The following CCDC152 variants were observed in gnomAD, a reference collection of about 807,000 sequenced individuals.
CCDC152 encodes coiled-coil domain-containing protein 152.
A neutral mutation model predicts 38.1 loss-of-function variants in CCDC152; 37 were observed. That is an observed-to-expected ratio of 0.97 (90% confidence interval 0.75 to 1.28). CCDC152 has a LOEUF of 1.28. CCDC152 is among the 50% of genes most tolerant of loss of function. CCDC152 has a pLI of 0.00. For missense variants in CCDC152, 259 were observed against 292.1 expected, an observed-to-expected ratio of 0.89 and a Z score of 0.83; for synonymous variants, 83 against 87.1, an observed-to-expected ratio of 0.95 and a Z score of 0.26.
At chr5:42,780,213 T>C (rs4242124) in intron 5 of CCDC152, among the ~76,000 whole-genome samples, 114,826 of 151,948 alleles carry the variant, frequency 0.76, 43,762 homozygotes, top group East Asian at 1. Context: ...CTATAGGAGC[T>C]TTCAACTTGA....
intron 2 of CCDC152, among the ~76,000 whole-genome samples, chr5:42,762,232 C>A (rs1329398286): frequency 1.3e-5 from 2 of 152,184 alleles, no homozygotes; most frequent in East Asian, 1.9e-4. Flanking sequence ...TTGTATAGGG[C>A]AGCTCCATTA....
chr5:42,795,684 T>C (rs1006815357), intron 6 of CCDC152, among the ~76,000 whole-genome samples: 4 of 152,178 alleles, frequency 2.6e-5, no homozygotes, highest in Non-Finnish European at 5.9e-5. Context: ...ATCTACAAAT[T>C]TATTATCTAA....
chr5:42,760,394 G>C (rs1759537097), intron 2 of CCDC152, among the ~76,000 whole-genome samples: 1 of 150,668 alleles, frequency 6.6e-6, no homozygotes, highest in Non-Finnish European at 1.5e-5. Flanking sequence ...ATTTCAATCT[G>C]TTATTATAAC....
Position 42,796,852 on chromosome 5 carries a change from A to G in CCDC152, c.454A>G (p.Lys152Glu). ...RKVELNEEKH[K>E]ELIEKKEMEI... ...AGTTGAATTAAATGAAGAAAAGCAC[A>G]AAGAACTAATAGAGAAAAAGGAGAT... The change falls in exon 7 of 9, where the codon AAA becomes GAA. Residue 152 changes from lysine to glutamate, a missense_variant. Coordinates refer to ENST00000361970, the MANE Select transcript of CCDC152 (RefSeq NM_001134848.2). 2 of 1,490,426 alleles carry G rather than the reference A, an allele frequency of 1.3e-6. No homozygotes were observed. Among genetic ancestry groups the G allele is most frequent in the African/African-American group, 2.9e-5 (2 of 69,524 alleles). The allele number at this position is 1,490,426 out of a possible 1,614,324, so 92.3% of individuals were successfully genotyped here.
chr5:42,764,051 A>G (rs760506086), intron 3 of CCDC152, among the ~76,000 whole-genome samples: 4 of 152,204 alleles, frequency 2.6e-5, no homozygotes, highest in Non-Finnish European at 4.4e-5. Context: ...CCACTTCCCT[A>G]TTACTAATAT....
chr5:42,782,783 G>C (rs968595022), intron 5 of CCDC152, among the ~76,000 whole-genome samples: 9 of 151,818 alleles, frequency 5.9e-5, no homozygotes, highest in Admixed American at 2.6e-4. Context: ...ATTGGCTTGA[G>C]TTTAGGCATT....
In CCDC152 at chr5:42,802,286, T is replaced by C. The variant is rs1760224895; in HGVS notation, c.*2505T>C. 6.6e-6 allele frequency: 1 copy of C among 152,174 alleles called. No homozygotes were observed. Among genetic ancestry groups the C allele is most frequent in the Admixed American group, 6.5e-5 (1 of 15,274 alleles). The allele number at this position is 152,174 out of a possible 1,614,324, so 9.4% of individuals were successfully genotyped here. A position where few individuals can be genotyped will look rare whatever the true frequency, so the allele number is the denominator to read the frequency against. ...TAATCAGAGACTCAAAGCCTATAGA[T>C]ACAGAAATGTAACAGTAAATCTCAA... is the stretch of plus-strand genomic sequence containing the variant. On this transcript the variant is annotated 3_prime_UTR_variant, in exon 9 of 9. Coordinates refer to ENST00000361970, the MANE Select transcript of CCDC152 (RefSeq NM_001134848.2).
intron 2 of CCDC152, among the ~76,000 whole-genome samples, chr5:42,760,362 G>A (rs1049360191): frequency 1.3e-5 from 2 of 150,170 alleles, no homozygotes; most frequent in Non-Finnish European, 3.0e-5. Context: ...AATGGTTTTA[G>A]TAAACATTGA....
chr5:42,771,142 A>G (rs1232724829), intron 4 of CCDC152, among the ~76,000 whole-genome samples: 1 of 152,214 alleles, frequency 6.6e-6, no homozygotes, highest in Non-Finnish European at 1.5e-5. Context: ...GTTGAAAAGA[A>G]GAGGCAAAAA....
chr5:42,776,828 C>T (rs1197348159), intron 4 of CCDC152, among the ~76,000 whole-genome samples: 1 of 151,990 alleles, frequency 6.6e-6, no homozygotes, highest in Non-Finnish European at 1.5e-5. Context: ...GGTCAAAAAA[C>T]AAATATCAAC....
At chr5:42,777,947 T>C (rs187919132) in intron 4 of CCDC152, among the ~76,000 whole-genome samples, 1 of 152,252 alleles carries the variant, frequency 6.6e-6, no homozygotes, top group Non-Finnish European at 1.5e-5. Context: ...AAGTGGACTC[T>C]ATTTCCAAGG....
At chr5:42,760,624 T>C (rs145783397) in intron 2 of CCDC152, among the ~76,000 whole-genome samples, 1 of 151,956 alleles carries the variant, frequency 6.6e-6, no homozygotes, top group African/African-American at 2.4e-5. Flanking sequence ...GAAGCAAGAG[T>C]GGGAGGGAGG....
Position 42,801,496 on chromosome 5 carries a change from T to G in CCDC152, c.*1715T>G. On this transcript the variant is annotated 3_prime_UTR_variant, in exon 9 of 9. Transcript: ENST00000361970. Reference sequence around the variant, plus strand: ...AGAGTCTGATGTTAGTCTCAACACCTAGACATTTTATTAAAGGCTTAAAAA... The same window carrying G: ...AGAGTCTGATGTTAGTCTCAACACCGAGACATTTTATTAAAGGCTTAAAAA... The G allele has an allele frequency of 1.8e-6, 1 of 552,090 alleles. No individual in the cohort carries two copies. The highest frequency in any genetic ancestry group is 3.1e-6 in the Non-Finnish European group (1 of 321,022). The allele number at this position is 552,090 out of a possible 1,614,324, so 34.2% of individuals were successfully genotyped here.
At chr5:42,799,334 T>C (rs1760127280) in intron 7 of CCDC152, 41 bp from the exon 8 acceptor site, 1 of 997,796 alleles carries the variant, frequency 1.0e-6, no homozygotes, top group Non-Finnish European at 1.5e-6. Context: ...TTGTTTCTAA[T>C]TGTCTAGAGT....
chr5:42,757,066 A>C (rs559608002), intron 1 of CCDC152, among the ~76,000 whole-genome samples, 181 bp downstream of exon 1: 2 of 151,906 alleles, frequency 1.3e-5, no homozygotes, highest in African/African-American at 4.8e-5. Context: ...GGACGCTAGA[A>C]AGCGATTCGA....
intron 5 of CCDC152, among the ~76,000 whole-genome samples, chr5:42,780,419 T>A (rs771730818): frequency 2.2e-4 from 34 of 152,176 alleles, no homozygotes; most frequent in Non-Finnish European, 7.4e-5. Flanking sequence ...CCCCCTTTCT[T>A]TTCCTTTTTC....
chr5:42,796,818 A>G lies in CCDC152; in HGVS notation c.431-11A>G. The G allele has an allele frequency of 7.2e-7, 1 of 1,388,560 alleles. No individual in the cohort carries two copies. Among genetic ancestry groups the G allele is most frequent in the East Asian group, 2.7e-5 (1 of 36,966 alleles). 86.0% of individuals were successfully genotyped at this position (1,388,560 alleles called of 1,614,324 possible). A position where few individuals can be genotyped will look rare whatever the true frequency, so the allele number is the denominator to read the frequency against. On this transcript the variant is annotated splice_polypyrimidine_tract_variant and intron_variant, in intron 6 of 8. Coordinates refer to ENST00000361970, the MANE Select transcript of CCDC152 (RefSeq NM_001134848.2). ...TTAACAAATGAATTTTATTTATTTC[A>G]TTTTATTCAGTTGAATTAAATGAAG...
chr5:42,772,864 CCTTTCCAATAGCT>C (rs1759718685), intron 4 of CCDC152, among the ~76,000 whole-genome samples: 1 of 152,140 alleles, frequency 6.6e-6, no homozygotes, highest in South Asian at 2.1e-4. Flanking sequence ...CCAGTGGTTT[CCTTTCCAATAGCT>C]CTTTTCTCTC....
At chr5:42,760,728 G>T (rs980550481) in intron 2 of CCDC152, among the ~76,000 whole-genome samples, 1 of 152,086 alleles carries the variant, frequency 6.6e-6, no homozygotes. Context: ...CATAATGAAA[G>T]AATTTTTATG....
Sources: gnomAD v4.1 joint callset for allele counts (sites outside exome capture counted in the v4.1 genomes callset) on GRCh38, gnomAD v4.1.1 for gene constraint, MANE v1.5 for transcripts, NCBI Gene and HGNC (gene_info 2026-07-23, HGNC 2026-07-21) for gene names.